The following BAG1 variants were observed in gnomAD, a reference collection of about 807,000 sequenced individuals.
The protein encoded by BAG1 is BAG family molecular chaperone regulator 1.
A neutral mutation model predicts 35.5 loss-of-function variants in BAG1; 35 were observed. The observed-to-expected ratio is 0.99, with a 90% CI of 0.75 to 1.31. BAG1 has a LOEUF of 1.31. Among genes scored for constraint, BAG1 ranks in the 50% most tolerant of loss-of-function variants. BAG1 has a pLI of 0.00. For synonymous variants in BAG1, 191 were observed against 178.9 expected (o/e 1.07, Z -0.54); for missense variants, 464 against 453.6 (o/e 1.02, Z -0.21).
intron 4 of BAG1, among the ~76,000 whole-genome samples, chr9:33,258,427 T>G (rs1188544303): frequency 6.6e-6 from 1 of 150,572 alleles, no homozygotes; most frequent in Non-Finnish European, 1.5e-5. Flanking sequence ...TAGTACCCCA[T>G]CTCTAATATA....
intron 3 of BAG1, chr9:33,260,544 T>A (rs907534523): frequency 2.0e-5 from 3 of 152,314 alleles, no homozygotes; most frequent in African/African-American, 7.2e-5. Flanking sequence ...TGTGTCACAA[T>A]GCAGGGCTGG....
At position 33,253,250 on chromosome 9, in the gene BAG1, G is replaced by C. The variant is rs1380915430; in HGVS notation, c.*1969C>G. On this transcript the variant is annotated 3_prime_UTR_variant, in exon 7 of 7. Coordinates refer to ENST00000634734, the MANE Select transcript of BAG1 (RefSeq NM_004323.6). ...GTGTTGGTTGAGAGGCAGTACAGTA[G>C]AGGGGAAAAGCACTGGCTCTGAAAC... is the stretch of plus-strand genomic sequence containing the variant. 6.6e-6 allele frequency: 1 copy of C among 152,208 alleles called. No homozygotes were observed. Among genetic ancestry groups the C allele is most frequent in the Non-Finnish European group, 1.5e-5 (1 of 68,054 alleles). The allele number at this position is 152,208 out of a possible 1,614,324, so 9.4% of individuals were successfully genotyped here.
chr9:33,264,655 G>A lies in BAG1; in HGVS notation c.20C>T (p.Ala7Val). The A allele has an allele frequency of 2.2e-6, 3 of 1,341,758 alleles. No individual in the cohort carries two copies. Among genetic ancestry groups the A allele is most frequent in the Non-Finnish European group, 2.8e-6 (3 of 1,055,010 alleles). 83.1% of individuals were successfully genotyped at this position (1,341,758 alleles called of 1,614,324 possible). ...CTCCCGGTCGCCTCGCGGTCTCCGC[G>A]CCCCCCCGCGCTGAGCCAGGCCCGC... Residue 7 changes from alanine (A) to valine (V), a missense_variant, in exon 1 of 7, where the codon GCG (alanine) becomes GTG (valine). By Grantham distance (64) the Ala-to-Val change is moderately conservative. Coordinates refer to ENST00000634734, the MANE Select transcript of BAG1 (RefSeq NM_004323.6).
intron 3 of BAG1, 26 bp from the exon 4 acceptor site, chr9:33,259,059 G>C: frequency 6.3e-7 from 1 of 1,593,130 alleles, no homozygotes; most frequent in Non-Finnish European, 8.6e-7. Context: ...AGAAAATAAA[G>C]CCAATAGTCA....
chr9:33,261,372 C>T (rs948732347), intron 2 of BAG1, among the ~76,000 whole-genome samples: 7 of 152,132 alleles, frequency 4.6e-5, no homozygotes, highest in South Asian at 2.1e-4. Flanking sequence ...AACTACTATA[C>T]GATAATATTC....
At chr9:33,262,261 A>G in intron 2 of BAG1, 1 of 1,260,590 alleles carries the variant, frequency 7.9e-7, no homozygotes, top group Non-Finnish European at 1.0e-6. Context: ...ATGAATAAAC[A>G]AATAAATAAA....
rs1269007434 is a variant in BAG1 at position 33,261,133 on chromosome 9, G to A, written c.617C>T (p.Ala206Val). 2 of 1,610,538 alleles carry A rather than the reference G, an allele frequency of 1.2e-6. No homozygotes were observed. The highest frequency in any genetic ancestry group is 2.7e-5 in the African/African-American group (2 of 74,920). ...CCGGCAACCATCTTGTATTCCAAGT[G>A]CTGACAACGGTGTTTCCATTTCCTT... is the stretch of plus-strand genomic sequence containing the variant. Residue 206 changes from alanine (A) to valine (V), a missense_variant, in exon 3 of 7, where the codon GCA becomes GTA. Ala to Val is a moderately conservative substitution (Grantham distance 64, BLOSUM62 0). Transcript: ENST00000634734.
chr9:33,258,911 G>C lies in BAG1; in HGVS notation c.777+9C>G. ...AAGGCAGAAAGTTAAGGTCCATGAA[G>C]AGAGTTACCTGCTGGATTCCAGTAA... On this transcript the variant is annotated intron_variant, in intron 4 of 6. Coordinates refer to ENST00000634734, the MANE Select transcript of BAG1 (RefSeq NM_004323.6). 6.2e-7 allele frequency: 1 copy of C among 1,609,196 alleles called. No individual in the cohort carries two copies. The highest frequency in any genetic ancestry group is 8.5e-7 in the Non-Finnish European group (1 of 1,175,558).
In BAG1 at chr9:33,261,126, T is replaced by C. The variant is rs373698859; in HGVS notation, c.624A>G (p.Gly208=). Reference sequence around the variant, plus strand: ...ACATGACCCGGCAACCATCTTGTATTCCAAGTGCTGACAACGGTGTTTCCA... The same window carrying C: ...ACATGACCCGGCAACCATCTTGTATCCCAAGTGCTGACAACGGTGTTTCCA... The change falls in exon 3 of 7, where the codon GGA becomes GGG. Residue 208 remains glycine (G), a synonymous_variant. Transcript: ENST00000634734. The C allele has an allele frequency of 1.4e-5, 23 of 1,610,914 alleles. No individual in the cohort carries two copies. Among genetic ancestry groups the C allele is most frequent in the Non-Finnish European group, 1.7e-5 (20 of 1,178,946 alleles).
At position 33,262,701 on chromosome 9, in the gene BAG1, C is replaced by CCCTTAAATATGAGTT. The variant is rs1794402845; in HGVS notation, c.566_580dup (p.Lys193_Gly194insGluLeuIlePheLys). The CCCTTAAATATGAGTT allele has an allele frequency of 6.3e-7, 1 of 1,586,572 alleles. No homozygotes were observed. Among genetic ancestry groups the CCCTTAAATATGAGTT allele is most frequent in the Non-Finnish European group, 8.5e-7 (1 of 1,171,782 alleles). On this transcript the variant is annotated inframe_insertion and splice_region_variant. Coordinates refer to ENST00000634734, the MANE Select transcript of BAG1 (RefSeq NM_004323.6). Reference sequence around the variant, plus strand: ...AGAAAGAAAGAAAAAGAAATGCTTACCCTTAAATATGAGTTTCTGAAAAGA... The same window carrying CCCTTAAATATGAGTT: ...AGAAAGAAAGAAAAAGAAATGCTTACCCTTAAATATGAGTTCCTTAAATATGAGTTTCTGAAAAGA...
Position 33,264,473 on chromosome 9 carries a change from G to C in BAG1, c.202C>G (p.Arg68Gly), listed in dbSNP as rs1184356795. Residue 68 changes from arginine (R) to glycine (G), a missense_variant, in exon 1 of 7, where the codon CGC becomes GGC. Transcript: ENST00000634734. ...GTTTTCTTCTTCATCCGCGGCCTGC[G>C]AGCGCCGGCGGCGGCGCCCCTGGTG... 1.4e-5 allele frequency: 22 copies of C among 1,612,298 alleles called. No individual in the cohort carries two copies. Among genetic ancestry groups the C allele is most frequent in the Non-Finnish European group, 1.8e-5 (21 of 1,179,506 alleles).
intron 1 of BAG1, 57 bp downstream of exon 1, chr9:33,264,167 C>G: frequency 6.6e-7 from 1 of 1,523,672 alleles, no homozygotes; most frequent in Non-Finnish European, 8.8e-7. Context: ...ACTAAACCCA[C>G]AGACCCCGCC....
intron 4 of BAG1, 171 bp from the exon 5 acceptor site, chr9:33,257,079 C>T: frequency 3.4e-6 from 2 of 580,136 alleles, no homozygotes; most frequent in Non-Finnish European, 3.0e-6. Context: ...TGGCCGTGGG[C>T]CAGTCCAAGA....
At chr9:33,264,186 G>C (rs767569626) in intron 1 of BAG1, 38 bp downstream of exon 1, 17 of 1,552,426 alleles carry the variant, frequency 1.1e-5, no homozygotes, top group Non-Finnish European at 1.5e-5. Flanking sequence ...CCGGGCTTTC[G>C]GGACCTGCAT....
chr9:33,257,083 T>G, intron 4 of BAG1, 175 bp from the exon 5 acceptor site: 1 of 575,084 alleles, frequency 1.7e-6, no homozygotes, highest in South Asian at 2.2e-5. Context: ...CGTGGGCCAG[T>G]CCAAGAATTC....
intron 1 of BAG1, among the ~76,000 whole-genome samples, chr9:33,263,102 C>T (rs1341937032): frequency 7.9e-5 from 12 of 152,216 alleles, no homozygotes; most frequent in Admixed American, 7.2e-4. Flanking sequence ...ATAAACCCCA[C>T]GAAGTAGATC....
chr9:33,264,190 C>T lies in BAG1; in HGVS notation c.451+34G>A, dbSNP rs375394386. ...CACAGACCCCGCCGGGCTTTCGGGA[C>T]CTGCATGGAGCCCACCTGGCGCCCG... On this transcript the variant is annotated intron_variant, in intron 1 of 6. Transcript: ENST00000634734. 44 of 1,559,740 alleles carry T rather than the reference C, an allele frequency of 2.8e-5. No individual in the cohort carries two copies. In the African/African-American group the frequency reaches 5.6e-4, roughly 20 times the overall value.
chr9:33,256,771 C>G lies in BAG1; in HGVS notation c.885+30G>C, dbSNP rs755881556. 3.8e-6 allele frequency: 6 copies of G among 1,563,172 alleles called. No homozygotes were observed. The Admixed American group carries it at 1.0e-4, about 26-fold the overall frequency. On this transcript the variant is annotated intron_variant, in intron 5 of 6. Transcript: ENST00000634734. Reference sequence around the variant, plus strand: ...GTGACTGAAATAAAGTCAAAGAAAACTAGTTCTTCTCAGCTGAATATTTAC... The same window carrying G: ...GTGACTGAAATAAAGTCAAAGAAAAGTAGTTCTTCTCAGCTGAATATTTAC...
chr9:33,263,939 GCGCGGGCACACAAACA>G (rs1820640728), intron 1 of BAG1, among the ~76,000 whole-genome samples: 1 of 152,168 alleles, frequency 6.6e-6, no homozygotes. Flanking sequence ...CACAATAACT[GCGCGGGCACACAAACA>G]CAACCAGGCC....
Sources: gnomAD v4.1 joint callset for allele counts (sites outside exome capture counted in the v4.1 genomes callset) on GRCh38, gnomAD v4.1.1 for gene constraint, MANE v1.5 for transcripts, NCBI Gene and HGNC (gene_info 2026-07-23, HGNC 2026-07-21) for gene names.